LRRIQ3: variants seen among roughly 807,000 people sequenced by gnomAD.
LRRIQ3 encodes leucine rich repeats and IQ motif containing 3.
A neutral mutation model predicts 59.3 loss-of-function variants in LRRIQ3; 75 were observed. The observed-to-expected ratio is 1.26, with a 90% CI of 1.05 to 1.53. The LOEUF (loss-of-function observed/expected upper bound fraction) is 1.53, where lower values mean the gene tolerates loss of function less well. Among genes scored for constraint, LRRIQ3 ranks in the 40% most tolerant of loss-of-function variants. The pLI, the probability that LRRIQ3 is intolerant of heterozygous loss-of-function variation, is 0.00. For missense variants in LRRIQ3, 831 were observed against 710.0 expected (o/e 1.17, Z -1.94); for synonymous variants, 250 against 231.3 (o/e 1.08, Z -0.73).
rs886413908 is a variant in LRRIQ3 at position 74,041,427 on chromosome 1, C to A, written c.1504G>T (p.Ala502Ser). 3.1e-6 allele frequency: 5 copies of A among 1,613,526 alleles called. No individual in the cohort carries two copies. In the African/African-American group the frequency reaches 6.7e-5, roughly 22 times the overall value. Residue 502 changes from alanine to serine, a missense_variant, in exon 7 of 8, where the codon GCT becomes TCT. Transcript: ENST00000354431. The stretch of plus-strand genomic sequence containing the variant: ...TGGGATTTTTCTTTTAGAAACAGAG[C>A]TTTTCTCTCTCTAGCTTTTTCAAGG... ...NYLEKARERK[A>S]LFLKEKSQKA...
At chr1:74,048,817 ATGTT>A (rs982939432) in intron 6 of LRRIQ3, among the ~76,000 whole-genome samples, 3 of 152,204 alleles carry the variant, frequency 2.0e-5, no homozygotes, top group Admixed American at 2.0e-4. Flanking sequence ...ATAAAATTGA[ATGTT>A]TGTTGTGTAT....
chr1:74,070,554 A>G (rs1654998117), intron 6 of LRRIQ3, among the ~76,000 whole-genome samples: 1 of 152,020 alleles, frequency 6.6e-6, no homozygotes, highest in Non-Finnish European at 1.5e-5. Flanking sequence ...TAAGGAAATA[A>G]TCTGTACACC....
At chr1:74,043,359 C>T (rs1024529032) in intron 6 of LRRIQ3, among the ~76,000 whole-genome samples, 1 of 151,974 alleles carries the variant, frequency 6.6e-6, no homozygotes, top group African/African-American at 2.4e-5. Context: ...GTTAAGTGAA[C>T]TATGAAGAAG....
At chr1:74,045,563 C>T (rs1654176510) in intron 6 of LRRIQ3, among the ~76,000 whole-genome samples, 1 of 152,122 alleles carries the variant, frequency 6.6e-6, no homozygotes, top group Non-Finnish European at 1.5e-5. Context: ...GACAAGCTTG[C>T]CCTCTCTCAC....
intron 6 of LRRIQ3, among the ~76,000 whole-genome samples, chr1:74,046,843 G>A (rs1654219022): frequency 6.6e-6 from 1 of 152,134 alleles, no homozygotes; most frequent in Non-Finnish European, 1.5e-5. Flanking sequence ...AAAAACATAT[G>A]AGAAAAAGCT....
At chr1:74,140,140 A>T (rs1230741868) in intron 4 of LRRIQ3, among the ~76,000 whole-genome samples, 1 of 151,914 alleles carries the variant, frequency 6.6e-6, no homozygotes, top group Non-Finnish European at 1.5e-5. Context: ...AAAAATTGTC[A>T]GACTGGGTTT....
intron 3 of LRRIQ3, chr1:74,180,476 C>T: frequency 9.7e-6 from 4 of 412,538 alleles, no homozygotes; most frequent in South Asian, 5.4e-5. Context: ...CTTTAATATC[C>T]TGCCTCAAAG....
chr1:74,133,552 G>C (rs1349296002), intron 4 of LRRIQ3, among the ~76,000 whole-genome samples: 1 of 152,132 alleles, frequency 6.6e-6, no homozygotes, highest in South Asian at 2.1e-4. Flanking sequence ...ATGAGTTCAT[G>C]TCCTTTGTAG....
chr1:74,136,034 A>C (rs1425263569), intron 4 of LRRIQ3, among the ~76,000 whole-genome samples: 2 of 151,958 alleles, frequency 1.3e-5, no homozygotes, highest in Non-Finnish European at 2.9e-5. Context: ...TATTACGAAA[A>C]TAAAAAAGAG....
intron 4 of LRRIQ3, among the ~76,000 whole-genome samples, chr1:74,133,011 T>C (rs948129869): frequency 6.6e-6 from 1 of 152,000 alleles, no homozygotes; most frequent in African/African-American, 2.4e-5. Context: ...CTTAAACAAA[T>C]TTACAAGAAA....
intron 3 of LRRIQ3, among the ~76,000 whole-genome samples, chr1:74,176,489 T>A (rs1256416838): frequency 6.6e-6 from 1 of 152,226 alleles, no homozygotes; most frequent in Non-Finnish European, 1.5e-5. Flanking sequence ...TCTGCATTTA[T>A]GTCTATTGCA....
intron 2 of LRRIQ3, 58 bp downstream of exon 2, chr1:74,183,378 C>G: frequency 7.0e-7 from 1 of 1,431,890 alleles, no homozygotes; most frequent in Non-Finnish European, 9.3e-7. Context: ...AACATAAGTA[C>G]TTATTATAAG....
At chr1:74,029,270 A>T (rs1653620538) in intron 7 of LRRIQ3, among the ~76,000 whole-genome samples, 1 of 152,268 alleles carries the variant, frequency 6.6e-6, no homozygotes, top group South Asian at 2.1e-4. Flanking sequence ...GAGTGGCGAG[A>T]GAGGGCATCC....
At chr1:74,141,389 C>T (rs988758489) in intron 4 of LRRIQ3, among the ~76,000 whole-genome samples, 8 of 151,448 alleles carry the variant, frequency 5.3e-5, no homozygotes, top group African/African-American at 1.2e-4. Context: ...CTATAAAACA[C>T]GGTTTGAGCT....
chr1:74,112,003 T>C (rs1423932799), intron 4 of LRRIQ3, among the ~76,000 whole-genome samples: 1 of 152,132 alleles, frequency 6.6e-6, no homozygotes, highest in Non-Finnish European at 1.5e-5. Context: ...GAAGCTCTAA[T>C]CAAGGTGCAA....
chr1:74,079,262 C>G (rs1375967210), intron 5 of LRRIQ3, among the ~76,000 whole-genome samples: 2 of 151,750 alleles, frequency 1.3e-5, no homozygotes, highest in African/African-American at 4.8e-5. Flanking sequence ...CCAAACTCAT[C>G]TCATGCTACT....
chr1:74,114,734 TA>T (rs751700744), intron 4 of LRRIQ3, among the ~76,000 whole-genome samples: 3,092 of 135,372 alleles, frequency 0.023, 41 homozygotes, highest in African/African-American at 0.048. Context: ...GACTCCGTCT[TA>T]AAAAAAAAAA....
chr1:74,067,546 G>C (rs777920454), intron 6 of LRRIQ3, among the ~76,000 whole-genome samples: 2 of 152,022 alleles, frequency 1.3e-5, no homozygotes, highest in Non-Finnish European at 2.9e-5. Flanking sequence ...AAATTCTCTG[G>C]TAATCCTTCT....
chr1:74,143,511 T>C (rs1334019717), intron 4 of LRRIQ3, among the ~76,000 whole-genome samples: 2 of 151,906 alleles, frequency 1.3e-5, no homozygotes, highest in African/African-American at 4.8e-5. Context: ...AAATTCACTG[T>C]ATGAAACATT....
Sources: gnomAD v4.1 joint callset for allele counts (sites outside exome capture counted in the v4.1 genomes callset) on GRCh38, gnomAD v4.1.1 for gene constraint, MANE v1.5 for transcripts, NCBI Gene and HGNC (gene_info 2026-07-23, HGNC 2026-07-21) for gene names.